The following FBLN1 variants were observed in gnomAD, a reference collection of about 807,000 sequenced individuals.
FBLN1 encodes the protein fibulin-1.
A neutral mutation model predicts 89.7 loss-of-function variants in FBLN1; 34 were observed. That is an observed-to-expected ratio of 0.38 (90% confidence interval 0.29 to 0.50). FBLN1 has a LOEUF of 0.50. Among genes scored for constraint, FBLN1 ranks in the 20% least tolerant of loss-of-function variants. The pLI is 0.92. For synonymous variants in FBLN1, 393 were observed against 391.3 expected, an observed-to-expected ratio of 1.00 and a Z score of -0.05; for missense variants, 777 against 988.1, an observed-to-expected ratio of 0.79 and a Z score of 2.86.
At chr22:45,504,753 G>A (rs1442177843) in intron 1 of FBLN1, among the ~76,000 whole-genome samples, 4 of 152,184 alleles carry the variant, frequency 2.6e-5, no homozygotes, top group Non-Finnish European at 5.9e-5. Flanking sequence ...GGACTTGCGG[G>A]CCCAGTGTGG....
At chr22:45,564,493 C>T (rs1329610666) in intron 14 of FBLN1, among the ~76,000 whole-genome samples, 1 of 152,250 alleles carries the variant, frequency 6.6e-6, no homozygotes, top group Non-Finnish European at 1.5e-5. Context: ...TCTGCTGCCT[C>T]CGGCCCTTGG....
At chr22:45,543,235 C>T (rs551222488) in intron 10 of FBLN1, among the ~76,000 whole-genome samples, 166 bp from the exon 11 acceptor site, 5 of 152,200 alleles carry the variant, frequency 3.3e-5, no homozygotes, top group Middle Eastern at 3.4e-3. Context: ...CACTGCAATC[C>T]AGCCTAGGAG....
At chr22:45,596,081 G>A (rs1231296887) in intron 16 of FBLN1, among the ~76,000 whole-genome samples, 2 of 152,188 alleles carry the variant, frequency 1.3e-5, no homozygotes, top group Non-Finnish European at 2.9e-5. Flanking sequence ...GTGTTAGCCA[G>A]GATGGTCTTG....
Position 45,590,923 on chromosome 22 carries a change from G to C in FBLN1, c.1973-9384G>C, listed in dbSNP as rs763348045. 6.6e-6 allele frequency among the ~76,000 whole-genome samples: 1 copy of C among 152,020 alleles called. No homozygotes were observed. The highest frequency in any genetic ancestry group is 6.6e-5 in the Admixed American group (1 of 15,264). On this transcript the variant is annotated intron_variant, in intron 16 of 16. Transcript: ENST00000327858. This position sits in a 1 kb window ranked among gnomAD's most constrained non-coding sequence, Gnocchi z 4.1. ...GTCTGGAGAAATTGGAGTGGACTCC[G>C]AGTTTGGGTCGGGGGCCCAGGAGGA... is the stretch of plus-strand genomic sequence containing the variant.
intron 16 of FBLN1, 37 bp from the exon 17 acceptor site, chr22:45,600,270 C>T (rs1920924592): frequency 6.2e-6 from 10 of 1,614,024 alleles, no homozygotes; most frequent in African/African-American, 1.3e-5. Flanking sequence ...GCTGCAGTCC[C>T]TTCTAACTTC....
chr22:45,584,967 C>T (rs6007095), intron 16 of FBLN1, among the ~76,000 whole-genome samples: 1 of 152,250 alleles, frequency 6.6e-6, no homozygotes, highest in Non-Finnish European at 1.5e-5. Flanking sequence ...AGGCCCTGCA[C>T]TGGGTACTGC....
At position 45,590,231 on chromosome 22, in the gene FBLN1, C is replaced by G. The variant is rs957530745; in HGVS notation, c.1973-10076C>G. Among the ~76,000 whole-genome samples, 4 of 152,250 alleles carry G rather than the reference C, an allele frequency of 2.6e-5. No individual in the cohort carries two copies. The highest frequency in any genetic ancestry group is 5.9e-5 in the Non-Finnish European group (4 of 68,052). Reference sequence around the variant, plus strand: ...CCCGCCAGGCCAGCCTCTCTTCCCCCCCATCCCTCCAGACCTTCATTGCAT... The same window carrying G: ...CCCGCCAGGCCAGCCTCTCTTCCCCGCCATCCCTCCAGACCTTCATTGCAT... On this transcript the variant is annotated intron_variant, in intron 16 of 16. Coordinates refer to ENST00000327858, the MANE Select transcript of FBLN1 (RefSeq NM_006486.3). The surrounding 1 kb of genome is among the most constrained non-coding windows in gnomAD (Gnocchi z 4.1).
rs983992082 is a variant in FBLN1, at chr22:45,591,759, A to C, written c.1973-8548A>C. 2.0e-5 allele frequency among the ~76,000 whole-genome samples: 3 copies of C among 152,106 alleles called. 1 individual carries two copies. The highest frequency in any genetic ancestry group is 1.5e-5 in the Non-Finnish European group (1 of 68,018). ...TTGCCGTGTGTTTATGACTCAGCTAAGGGCAGTACAGTCGGGAAGTGTCCT... is the reference window on the plus strand; with the variant it reads ...TTGCCGTGTGTTTATGACTCAGCTACGGGCAGTACAGTCGGGAAGTGTCCT... On this transcript the variant is annotated intron_variant, in intron 16 of 16. Coordinates refer to ENST00000327858, the MANE Select transcript of FBLN1 (RefSeq NM_006486.3).
Position 45,503,098 on chromosome 22 carries a change from G to A in FBLN1, c.79+34G>A. On this transcript the variant is annotated intron_variant, in intron 1 of 16. Coordinates refer to ENST00000327858, the MANE Select transcript of FBLN1 (RefSeq NM_006486.3). Reference sequence around the variant, plus strand: ...GTCCCGGGTCCGCCGCCCCAGCTTAGGGTCCCGACCCCCTCGGCCTCGCGC... The same window carrying A: ...GTCCCGGGTCCGCCGCCCCAGCTTAAGGTCCCGACCCCCTCGGCCTCGCGC... 3 of 1,226,396 alleles carry A rather than the reference G, an allele frequency of 2.4e-6. 1 individual carries two copies. 76.0% of individuals were successfully genotyped at this position (1,226,396 alleles called of 1,614,324 possible).
At position 45,583,099 on chromosome 22, in the gene FBLN1, G is replaced by A. The variant is rs556038300; in HGVS notation, c.1972+5991G>A. On this transcript the variant is annotated intron_variant, in intron 16 of 16. Coordinates refer to ENST00000327858, the MANE Select transcript of FBLN1 (RefSeq NM_006486.3). The surrounding 1 kb of genome is among the most constrained non-coding windows in gnomAD (Gnocchi z 4.5). ...AGCAGCCTTGTGGGACAGCCACCCT[G>A]GGGCTGGTATCACCATTTATGTAAG... Among the ~76,000 whole-genome samples, 8 of 152,150 alleles carry A rather than the reference G, an allele frequency of 5.3e-5. No individual in the cohort carries two copies. Among genetic ancestry groups the A allele is most frequent in the Non-Finnish European group, 8.8e-5 (6 of 68,020 alleles).
At chr22:45,519,334 T>C (rs1044530534) in intron 2 of FBLN1, among the ~76,000 whole-genome samples, 1 of 152,002 alleles carries the variant, frequency 6.6e-6, no homozygotes, top group Admixed American at 6.6e-5. Flanking sequence ...GAATAAATAA[T>C]GAGAAGCCGG....
At position 45,556,983 on chromosome 22, in the gene FBLN1, T is replaced by A. The variant is rs2088796636; in HGVS notation, c.1697+6368T>A. 6.6e-6 allele frequency among the ~76,000 whole-genome samples: 1 copy of A among 152,186 alleles called. No homozygotes were observed. Reference sequence around the variant, plus strand: ...GAAACAGTGCCATAATATTGGACCCTGATTCAGAGCATACATGGCCTTCTG... The same window carrying A: ...GAAACAGTGCCATAATATTGGACCCAGATTCAGAGCATACATGGCCTTCTG... On this transcript the variant is annotated intron_variant, in intron 14 of 16. Transcript: ENST00000327858. This position sits in a 1 kb window ranked among gnomAD's most constrained non-coding sequence, Gnocchi z 4.6.
rs527628599 is a variant in FBLN1 at position 45,561,436 on chromosome 22, A to G, written c.1697+10821A>G. On this transcript the variant is annotated intron_variant, in intron 14 of 16. Transcript: ENST00000327858. This position sits in a 1 kb window ranked among gnomAD's most constrained non-coding sequence, Gnocchi z 4.7. Reference sequence around the variant, plus strand: ...TGGTTCTCCACATATGATCAAAGATATTATGTATAGAGTCACTAAACTTGC... The same window carrying G: ...TGGTTCTCCACATATGATCAAAGATGTTATGTATAGAGTCACTAAACTTGC... 4.6e-5 allele frequency among the ~76,000 whole-genome samples: 7 copies of G among 152,348 alleles called. No individual in the cohort carries two copies. In the East Asian group the frequency reaches 9.7e-4, roughly 21 times the overall value.
chr22:45,594,900 G>A (rs1199188278), intron 16 of FBLN1, among the ~76,000 whole-genome samples: 1 of 152,106 alleles, frequency 6.6e-6, no homozygotes, highest in Admixed American at 6.6e-5. Flanking sequence ...ATTGGTGAGT[G>A]GATGGTTGGG....
At chr22:45,559,128 G>A (rs961650710) in intron 14 of FBLN1, among the ~76,000 whole-genome samples, 6 of 152,230 alleles carry the variant, frequency 3.9e-5, no homozygotes, top group Non-Finnish European at 8.8e-5. Flanking sequence ...TGCTTCTGGT[G>A]GGCCTTGGAA....
rs1285228133 is a variant in FBLN1, at chr22:45,590,847, G to A, written c.1973-9460G>A. Among the ~76,000 whole-genome samples the A allele has an allele frequency of 6.6e-6, 1 of 152,070 alleles. No individual in the cohort carries two copies. The highest frequency in any genetic ancestry group is 1.5e-5 in the Non-Finnish European group (1 of 68,026). On this transcript the variant is annotated intron_variant, in intron 16 of 16. Transcript: ENST00000327858. The surrounding 1 kb of genome is among the most constrained non-coding windows in gnomAD (Gnocchi z 4.1). ...AGGGAAGTGGGTTTAAGGGAGGAGG[G>A]TAGGTCAGTGTTTGGCGTGCTTGGA... is the stretch of plus-strand genomic sequence containing the variant.
rs1053478496 is a variant in FBLN1, at chr22:45,549,393, C to G, written c.1573+649C>G. 5.3e-5 allele frequency among the ~76,000 whole-genome samples: 8 copies of G among 152,080 alleles called. No individual in the cohort carries two copies. Among genetic ancestry groups the G allele is most frequent in the South Asian group, 2.1e-4 (1 of 4,822 alleles). On this transcript the variant is annotated intron_variant, in intron 13 of 16. Transcript: ENST00000327858. The surrounding 1 kb of genome is among the most constrained non-coding windows in gnomAD (Gnocchi z 5.7). Reference sequence around the variant, plus strand: ...CAGCCAGTTCCTCGGGAGCCCCACACAGGACTGTGGATCCTGGGGCTCTGG... The same window carrying G: ...CAGCCAGTTCCTCGGGAGCCCCACAGAGGACTGTGGATCCTGGGGCTCTGG...
chr22:45,593,832 C>G (rs2089160099), intron 16 of FBLN1, among the ~76,000 whole-genome samples: 1 of 152,192 alleles, frequency 6.6e-6, no homozygotes, highest in African/African-American at 2.4e-5. Flanking sequence ...TCTTCTTCTG[C>G]CTTCATCTTA....
At chr22:45,544,058 G>A (rs2088593633) in intron 11 of FBLN1, among the ~76,000 whole-genome samples, 1 of 152,028 alleles carries the variant, frequency 6.6e-6, no homozygotes, top group African/African-American at 2.4e-5. Context: ...GAGGCCTTTA[G>A]GGCGTGGGTC....
Sources: allele counts gnomAD v4.1 joint callset (sites outside exome capture counted in the v4.1 genomes callset), GRCh38; gene constraint gnomAD v4.1.1; non-coding constraint Gnocchi (gnomAD v3.1); transcripts MANE v1.5; gene names NCBI Gene and HGNC (gene_info 2026-07-23, HGNC 2026-07-21).